Variants in CUL1 observed in about 807,000 individuals in gnomAD.
CUL1 encodes cullin-1.
A neutral mutation model predicts 118.0 loss-of-function variants in CUL1; 24 were observed. The ratio of observed to expected loss-of-function variants is 0.20; its 90% CI spans 0.15 to 0.29. The LOEUF (loss-of-function observed/expected upper bound fraction) is 0.29, where lower values mean the gene tolerates loss of function less well. CUL1 is among the 10% of genes least tolerant of loss of function. CUL1 has a pLI of 1.00. For synonymous variants in CUL1, 332 were observed against 340.4 expected, an observed-to-expected ratio of 0.98 and a Z score of 0.27; for missense variants, 361 against 933.8, an observed-to-expected ratio of 0.39 and a Z score of 7.99.
chr7:148,742,118 G>A (rs1308749517), intron 2 of CUL1, among the ~76,000 whole-genome samples: 1 of 152,162 alleles, frequency 6.6e-6, no homozygotes, highest in Non-Finnish European at 1.5e-5. Context: ...GAATCAGCTT[G>A]TTAACTTCCT....
chr7:148,712,900 T>C (rs1798095046), intron 1 of CUL1, among the ~76,000 whole-genome samples: 1 of 152,244 alleles, frequency 6.6e-6, no homozygotes, highest in African/African-American at 2.4e-5. Context: ...TCTTGAATTA[T>C]TTCTTTAGTA....
In CUL1 at chr7:148,785,435, T is replaced by C. The variant is rs147809167; in HGVS notation, c.1299-1116T>C. On this transcript the variant is annotated intron_variant, in intron 11 of 21. Transcript: ENST00000325222. ...GTGCAGTGGCACAATCTCGGCTCAC[T>C]GCAACCTCTGCCTCCTGAGTTTAAG... 1.5e-3 allele frequency among the ~76,000 whole-genome samples: 221 copies of C among 152,098 alleles called. 2 individuals are homozygous for C. Among genetic ancestry groups the C allele is most frequent in the African/African-American group, 5.2e-3 (215 of 41,500 alleles).
Position 148,800,706 on chromosome 7 carries a change from C to G in CUL1, c.*124C>G. Reference sequence around the variant, plus strand: ...GGACCTCCCTTTTAAAAACTGAGACCAAGACTCCCATCAGCTGGTCTCGGA... The same window carrying G: ...GGACCTCCCTTTTAAAAACTGAGACGAAGACTCCCATCAGCTGGTCTCGGA... On this transcript the variant is annotated 3_prime_UTR_variant, in exon 22 of 22. Coordinates refer to ENST00000325222, the MANE Select transcript of CUL1 (RefSeq NM_003592.3). This position sits in a 1 kb window ranked among gnomAD's most constrained non-coding sequence, Gnocchi z 4.6. 1.5e-6 allele frequency: 1 copy of G among 687,630 alleles called. No homozygotes were observed. The highest frequency in any genetic ancestry group is 1.8e-5 in the South Asian group (1 of 55,398). The allele number at this position is 687,630 out of a possible 1,614,324, so 42.6% of individuals were successfully genotyped here.
intron 11 of CUL1, among the ~76,000 whole-genome samples, chr7:148,786,166 A>G (rs948391721): frequency 1.3e-5 from 2 of 152,228 alleles, no homozygotes; most frequent in Non-Finnish European, 2.9e-5. Context: ...ATGAAAGGGA[A>G]TCTATGTGCC....
intron 1 of CUL1, among the ~76,000 whole-genome samples, chr7:148,719,219 G>A (rs1798318911): frequency 6.6e-6 from 1 of 152,148 alleles, no homozygotes; most frequent in African/African-American, 2.4e-5. Context: ...GCTGAGGCAG[G>A]AGAATGGCGT....
intron 11 of CUL1, 32 bp from the exon 12 acceptor site, chr7:148,786,519 T>G: frequency 1.3e-6 from 2 of 1,583,286 alleles, no homozygotes; most frequent in Non-Finnish European, 1.7e-6. Context: ...GTACTGATGT[T>G]TTAAAACATG....
intron 3 of CUL1, among the ~76,000 whole-genome samples, chr7:148,755,695 T>C (rs1007835812): frequency 6.6e-6 from 1 of 152,226 alleles, no homozygotes. Context: ...CAGTGATATT[T>C]TTGCATTTTA....
chr7:148,726,283 T>G (rs1037962449), intron 1 of CUL1, among the ~76,000 whole-genome samples: 3 of 152,172 alleles, frequency 2.0e-5, no homozygotes, highest in Non-Finnish European at 4.4e-5. Context: ...ACCATTTTAT[T>G]TGGTATATTT....
chr7:148,760,239 A>G, intron 6 of CUL1, 94 bp from the exon 7 acceptor site: 3 of 1,028,660 alleles, frequency 2.9e-6, no homozygotes, highest in Non-Finnish European at 4.1e-6. Context: ...TACCTTTTAA[A>G]CATAACTTAA....
chr7:148,781,308 C>T (rs1356210658), intron 9 of CUL1, among the ~76,000 whole-genome samples: 2 of 152,038 alleles, frequency 1.3e-5, no homozygotes, highest in African/African-American at 4.8e-5. Flanking sequence ...GTCTAGAACT[C>T]CTGACGTCAT....
At chr7:148,775,547 GA>G (rs750991020) in intron 9 of CUL1, among the ~76,000 whole-genome samples, 84 of 152,340 alleles carry the variant, frequency 5.5e-4, no homozygotes, top group Non-Finnish European at 9.3e-4. Context: ...GGTTTTGATT[GA>G]GTGGATGTTG....
Position 148,781,079 on chromosome 7 carries a change from A to ATT in CUL1, c.1084-2683_1084-2682dup, listed in dbSNP as rs1197920664. 6.2e-4 allele frequency among the ~76,000 whole-genome samples: 58 copies of ATT among 93,724 alleles called. 5 individuals are homozygous for ATT. The highest frequency in any genetic ancestry group is 7.3e-4 in the Non-Finnish European group (38 of 52,200). The allele number at this position is 93,724 out of a possible 152,430, so 61.5% of individuals were successfully genotyped here. On this transcript the variant is annotated intron_variant, in intron 9 of 21. Transcript: ENST00000325222. ...GCTAAATTCACATTTTCAAGGCCAGATTTTTTTTTTTTTTTTTTTTTTGAC... is the reference window on the plus strand; with the variant it reads ...GCTAAATTCACATTTTCAAGGCCAGATTTTTTTTTTTTTTTTTTTTTTTTGAC...
intron 6 of CUL1, among the ~76,000 whole-genome samples, chr7:148,760,063 T>TA (rs1429818059): frequency 1.2e-4 from 19 of 152,218 alleles, no homozygotes; most frequent in African/African-American, 4.3e-4. Flanking sequence ...CTTTTGGAAA[T>TA]ACAAAAGTTC....
intron 2 of CUL1, among the ~76,000 whole-genome samples, chr7:148,735,328 G>C (rs771510353): frequency 1.3e-5 from 2 of 152,236 alleles, no homozygotes; most frequent in Non-Finnish European, 2.9e-5. Context: ...GCTGGTCCCT[G>C]CTGCAGCTCT....
chr7:148,783,554 T>G, intron 9 of CUL1: 1 of 1,425,648 alleles, frequency 7.0e-7, no homozygotes, highest in Non-Finnish European at 9.2e-7. Context: ...AATCAATATT[T>G]AGTTTTGAGT....
upstream of CUL1, chr7:148,697,762 C>G (rs1797570894): frequency 6.6e-6 from 1 of 152,232 alleles, no homozygotes; most frequent in Non-Finnish European, 1.5e-5. Context: ...TGGTATTAAT[C>G]AGCCACCCCT....
intron 2 of CUL1, among the ~76,000 whole-genome samples, chr7:148,752,919 T>C (rs937180879): frequency 6.6e-6 from 1 of 152,288 alleles, no homozygotes; most frequent in Non-Finnish European, 1.5e-5. Context: ...CCCAGAGTGC[T>C]GGGATTACAG....
At chr7:148,761,953 G>A (rs145662066) in intron 7 of CUL1, among the ~76,000 whole-genome samples, 95 of 152,354 alleles carry the variant, frequency 6.2e-4, no homozygotes, top group Middle Eastern at 3.4e-3. Context: ...TAGGGTTCGA[G>A]CTCCTATGAG....
chr7:148,726,069 A>G (rs1440607694), intron 1 of CUL1, among the ~76,000 whole-genome samples: 1 of 152,254 alleles, frequency 6.6e-6, no homozygotes, highest in Non-Finnish European at 1.5e-5. Context: ...TCTGGACACA[A>G]AAAGTGTACA....
Sources: gnomAD v4.1 joint callset for allele counts (sites outside exome capture counted in the v4.1 genomes callset) on GRCh38, gnomAD v4.1.1 for gene constraint, Gnocchi (gnomAD v3.1) non-coding constraint, MANE v1.5 for transcripts, NCBI Gene and HGNC (gene_info 2026-07-23, HGNC 2026-07-21) for gene names.